ADGRB3: variants seen among roughly 807,000 people sequenced by gnomAD.
The protein encoded by ADGRB3 is adhesion G protein-coupled receptor B3.
A neutral mutation model predicts 193.4 loss-of-function variants in ADGRB3; 37 were observed. The ratio of observed to expected loss-of-function variants is 0.19; its 90% CI spans 0.15 to 0.25. ADGRB3 has a LOEUF of 0.25. Among genes scored for constraint, ADGRB3 ranks in the 10% least tolerant of loss-of-function variants. The pLI is 1.00. For missense variants in ADGRB3, 1,637 were observed against 1,852.9 expected, an observed-to-expected ratio of 0.88 and a Z score of 2.14; for synonymous variants, 690 against 644.2, an observed-to-expected ratio of 1.07 and a Z score of -1.08.
chr6:68,677,255 T>C (rs1769114820), intron 3 of ADGRB3, among the ~76,000 whole-genome samples: 1 of 152,194 alleles, frequency 6.6e-6, no homozygotes. Context: ...GGTTTTCTTT[T>C]CCTAACTAGT....
At chr6:69,186,837 A>C (rs908011520) in intron 17 of ADGRB3, among the ~76,000 whole-genome samples, 3 of 151,890 alleles carry the variant, frequency 2.0e-5, no homozygotes, top group African/African-American at 7.2e-5. Flanking sequence ...CATTTTTTTA[A>C]ATACAGAAGT....
intron 3 of ADGRB3, among the ~76,000 whole-genome samples, chr6:68,702,365 C>T (rs1582134025): frequency 6.6e-6 from 1 of 152,144 alleles, no homozygotes; most frequent in Admixed American, 6.6e-5. Flanking sequence ...TATCTCCCAC[C>T]AGTACCCACT....
intron 3 of ADGRB3, among the ~76,000 whole-genome samples, chr6:68,876,284 T>C (rs1446669698): frequency 1.3e-5 from 2 of 152,096 alleles, no homozygotes; most frequent in African/African-American, 4.8e-5. Context: ...CTTGGTGGGA[T>C]AGATGGAGCC....
At chr6:69,344,728 A>T (rs936376170) in intron 26 of ADGRB3, among the ~76,000 whole-genome samples, 2 of 152,168 alleles carry the variant, frequency 1.3e-5, no homozygotes, top group Non-Finnish European at 2.9e-5. Flanking sequence ...CCTTTACTGC[A>T]GGATGGGTCA....
chr6:69,059,812 C>G (rs1472929679), intron 15 of ADGRB3, among the ~76,000 whole-genome samples: 1 of 152,078 alleles, frequency 6.6e-6, no homozygotes, highest in Non-Finnish European at 1.5e-5. Flanking sequence ...CTTTATTAGG[C>G]ATTTAATACC....
chr6:68,716,530 C>G (rs199957783), intron 3 of ADGRB3, among the ~76,000 whole-genome samples: 6 of 147,428 alleles, frequency 4.1e-5, no homozygotes. Context: ...TTTTTTTTTC[C>G]TAGAGTTGTA....
chr6:68,780,131 A>G (rs1241544294), intron 3 of ADGRB3, among the ~76,000 whole-genome samples: 1 of 151,944 alleles, frequency 6.6e-6, no homozygotes, highest in Non-Finnish European at 1.5e-5. Context: ...GGATATTCAT[A>G]CTCCGAGTGG....
intron 20 of ADGRB3, among the ~76,000 whole-genome samples, chr6:69,262,255 A>G (rs1010957499): frequency 4.6e-5 from 7 of 152,062 alleles, no homozygotes; most frequent in African/African-American, 1.7e-4. Context: ...CTTATTTTTA[A>G]TTCTTCACTT....
chr6:69,042,442 TCCTTC>T (rs1251436089), intron 13 of ADGRB3, among the ~76,000 whole-genome samples: 3 of 152,218 alleles, frequency 2.0e-5, no homozygotes, highest in Admixed American at 6.5e-5. Flanking sequence ...ATGTTAGCTA[TCCTTC>T]CCTTCCCTTC....
chr6:68,789,269 G>A (rs1476196527), intron 3 of ADGRB3, among the ~76,000 whole-genome samples: 1 of 152,122 alleles, frequency 6.6e-6, no homozygotes, highest in Non-Finnish European at 1.5e-5. Context: ...TTACAATTTG[G>A]CATGTTTTTG....
rs1297899881 is a variant in ADGRB3, at chr6:69,097,289, A to G, written c.2480+21251A>G. Among the ~76,000 whole-genome samples the G allele has an allele frequency of 2.6e-5, 4 of 152,218 alleles. No individual in the cohort carries two copies. The East Asian group carries it at 5.8e-4, about 22-fold the overall frequency. Reference sequence around the variant, plus strand: ...TTTTAAACATTTCCAATGAATGGCAATATTACTAAATGAACAGCTCTAAGC... The same window carrying G: ...TTTTAAACATTTCCAATGAATGGCAGTATTACTAAATGAACAGCTCTAAGC... On this transcript the variant is annotated intron_variant, in intron 17 of 31. Coordinates refer to ENST00000370598, the MANE Select transcript of ADGRB3 (RefSeq NM_001704.3).
At chr6:69,254,956 T>C (rs1582581632) in intron 20 of ADGRB3, among the ~76,000 whole-genome samples, 1 of 149,096 alleles carries the variant, frequency 6.7e-6, no homozygotes, top group East Asian at 2.0e-4. Flanking sequence ...GAACATGTGG[T>C]GTTTGGTTTT....
At chr6:69,077,069 A>G (rs963716444) in intron 17 of ADGRB3, among the ~76,000 whole-genome samples, 3 of 152,050 alleles carry the variant, frequency 2.0e-5, no homozygotes, top group Non-Finnish European at 2.9e-5. Flanking sequence ...CTTTTGCTAT[A>G]GGTTCTCATA....
chr6:68,802,375 TAG>T (rs1248854323), intron 3 of ADGRB3, among the ~76,000 whole-genome samples: 1 of 152,142 alleles, frequency 6.6e-6, no homozygotes, highest in Non-Finnish European at 1.5e-5. Flanking sequence ...ATTATAGATA[TAG>T]AAAGAAAAGT....
intron 3 of ADGRB3, among the ~76,000 whole-genome samples, chr6:68,691,385 A>T (rs1582126721): frequency 6.6e-6 from 1 of 152,022 alleles, no homozygotes; most frequent in African/African-American, 2.4e-5. Context: ...CGATTGATAG[A>T]TGAATGTGTA....
intron 17 of ADGRB3, among the ~76,000 whole-genome samples, chr6:69,101,356 GT>G (rs1475023483): frequency 6.6e-6 from 1 of 151,516 alleles, no homozygotes; most frequent in Non-Finnish European, 1.5e-5. Context: ...CTATCTCTTT[GT>G]TTTTACTTAG....
chr6:68,827,425 A>G (rs1363411508), intron 3 of ADGRB3, among the ~76,000 whole-genome samples: 1 of 152,102 alleles, frequency 6.6e-6, no homozygotes, highest in East Asian at 1.9e-4. Context: ...TAGGTAGGGG[A>G]GCAGCGATAA....
chr6:69,236,641 A>G (rs1393171709), intron 19 of ADGRB3, among the ~76,000 whole-genome samples: 2 of 152,060 alleles, frequency 1.3e-5, no homozygotes, highest in Non-Finnish European at 2.9e-5. Context: ...ATTTAAAACT[A>G]AATTCCTTTT....
At chr6:68,913,768 C>G (rs1365547287) in intron 3 of ADGRB3, among the ~76,000 whole-genome samples, 2 of 152,000 alleles carry the variant, frequency 1.3e-5, no homozygotes, top group African/African-American at 4.8e-5. Flanking sequence ...AAATTCAAAT[C>G]AAAGGCAAAG....
Sources: allele counts gnomAD v4.1 joint callset (sites outside exome capture counted in the v4.1 genomes callset), GRCh38; gene constraint gnomAD v4.1.1; transcripts MANE v1.5; gene names NCBI Gene and HGNC (gene_info 2026-07-23, HGNC 2026-07-21).